The following AGO3 variants were observed in gnomAD, a reference collection of about 807,000 sequenced individuals.
AGO3 encodes the protein argonaute RISC catalytic component 3.
A neutral mutation model predicts 105.5 loss-of-function variants in AGO3; 16 were observed. The ratio of observed to expected loss-of-function variants is 0.15; its 90% CI spans 0.10 to 0.23. The LOEUF is 0.23. Among genes scored for constraint, AGO3 ranks in the 10% least tolerant of loss-of-function variants. The probability of loss-of-function intolerance (pLI) is 1.00; values close to 1 mark genes in which losing one functional copy is unlikely to be tolerated. For synonymous variants in AGO3, 340 were observed against 367.3 expected (o/e 0.93, Z 0.85); for missense variants, 534 against 1,088.0 (o/e 0.49, Z 7.16).
At chr1:36,052,737 A>AT (rs1204857537) in intron 17 of AGO3, among the ~76,000 whole-genome samples, 2 of 152,120 alleles carry the variant, frequency 1.3e-5, no homozygotes, top group African/African-American at 4.8e-5. Context: ...AAACCTATAT[A>AT]TATCAGGCTC....
chr1:36,004,460 A>G lies in AGO3; in HGVS notation c.778A>G (p.Thr260Ala). 1.2e-6 allele frequency: 2 copies of G among 1,600,128 alleles called. No homozygotes were observed. Among genetic ancestry groups the G allele is most frequent in the Non-Finnish European group, 1.7e-6 (2 of 1,171,562 alleles). ...PLTDSHRVKFTKEIKGLKVEV... is the reference protein window; with the variant it reads ...PLTDSHRVKFAKEIKGLKVEV... Reference sequence around the variant, plus strand: ...GACTGATTCTCATCGGGTAAAATTCACCAAAGAGATAAAAGGTGAATTAAT... The same window carrying G: ...GACTGATTCTCATCGGGTAAAATTCGCCAAAGAGATAAAAGGTGAATTAAT... Residue 260 changes from threonine (T) to alanine (A), a missense_variant, in exon 6 of 19, where the codon ACC (threonine) becomes GCC (alanine). Transcript: ENST00000373191.
chr1:36,011,433 T>C (rs995663792), intron 9 of AGO3, among the ~76,000 whole-genome samples: 13 of 152,018 alleles, frequency 8.6e-5, no homozygotes, highest in African/African-American at 3.1e-4. Context: ...AAATATATGC[T>C]GGTTTTCATC....
At chr1:35,972,847 T>TA (rs1302115738) in intron 4 of AGO3, among the ~76,000 whole-genome samples, 136 of 145,934 alleles carry the variant, frequency 9.3e-4, no homozygotes, top group Non-Finnish European at 1.5e-3. Flanking sequence ...CCTGACTAAT[T>TA]AAAAAAAAAT....
At chr1:35,995,902 T>C (rs1639773926) in intron 5 of AGO3, among the ~76,000 whole-genome samples, 1 of 151,994 alleles carries the variant, frequency 6.6e-6, no homozygotes, top group Non-Finnish European at 1.5e-5. Flanking sequence ...GGTCTCGAAC[T>C]CCCTGACCTC....
chr1:35,949,391 G>C (rs1646428438), intron 2 of AGO3, among the ~76,000 whole-genome samples: 1 of 152,178 alleles, frequency 6.6e-6, no homozygotes, highest in South Asian at 2.1e-4. Context: ...TTTGTCTTCA[G>C]TTTTTACAGT....
intron 9 of AGO3, among the ~76,000 whole-genome samples, chr1:36,009,972 T>C (rs1261574191): frequency 6.7e-6 from 1 of 149,536 alleles, no homozygotes; most frequent in Non-Finnish European, 1.5e-5. Flanking sequence ...GGAGTCTTGC[T>C]TTGTCACCCA....
chr1:35,954,377 A>G (rs1293632022), intron 2 of AGO3, among the ~76,000 whole-genome samples: 2 of 152,236 alleles, frequency 1.3e-5, no homozygotes, highest in Non-Finnish European at 2.9e-5. Flanking sequence ...GGACTAGTAC[A>G]TAAGGTATTA....
intron 2 of AGO3, 99 bp downstream of exon 2, chr1:35,945,962 A>G: frequency 8.1e-7 from 1 of 1,234,094 alleles, no homozygotes; most frequent in Non-Finnish European, 1.1e-6. Flanking sequence ...AATGTGTAAC[A>G]GTTTGACCAA....
intron 3 of AGO3, among the ~76,000 whole-genome samples, chr1:35,970,778 G>A (rs1179443146): frequency 1.3e-5 from 2 of 151,626 alleles, no homozygotes; most frequent in African/African-American, 4.8e-5. Flanking sequence ...AACCCAGGCT[G>A]GAGTTCATTG....
At chr1:36,017,639 A>G (rs1640973714) in intron 11 of AGO3, among the ~76,000 whole-genome samples, 1 of 152,082 alleles carries the variant, frequency 6.6e-6, no homozygotes, top group African/African-American at 2.4e-5. Context: ...AGTGGCTCAC[A>G]CCTGTAATCT....
chr1:35,985,388 TTA>T (rs1190774871), intron 5 of AGO3, among the ~76,000 whole-genome samples: 1 of 152,170 alleles, frequency 6.6e-6, no homozygotes, highest in Non-Finnish European at 1.5e-5. Context: ...CAATAGAATT[TTA>T]AAGAAAAATA....
At chr1:36,032,281 CT>C (rs1308640505) in intron 12 of AGO3, among the ~76,000 whole-genome samples, 1 of 152,022 alleles carries the variant, frequency 6.6e-6, no homozygotes, top group African/African-American at 2.4e-5. Context: ...CTCATAATGT[CT>C]TTGATTTTGC....
At chr1:36,022,232 C>A (rs1040181047) in intron 11 of AGO3, among the ~76,000 whole-genome samples, 1 of 151,834 alleles carries the variant, frequency 6.6e-6, no homozygotes, top group South Asian at 2.1e-4. Context: ...GCTCTGCTAA[C>A]TTTTTTTCTT....
chr1:35,976,869 T>C (rs919328939), intron 5 of AGO3, among the ~76,000 whole-genome samples: 5 of 152,182 alleles, frequency 3.3e-5, no homozygotes, highest in African/African-American at 1.2e-4. Context: ...TTGGTATTAT[T>C]TCCTAAAAAA....
At chr1:35,971,968 A>G in intron 3 of AGO3, 56 bp from the exon 4 acceptor site, 1 of 1,483,114 alleles carries the variant, frequency 6.7e-7, no homozygotes, top group Non-Finnish European at 9.3e-7. Flanking sequence ...TTAAATCTAA[A>G]ATAATTGTAT....
intron 9 of AGO3, among the ~76,000 whole-genome samples, chr1:36,012,265 A>G (rs1640652821): frequency 6.6e-6 from 1 of 151,198 alleles, no homozygotes; most frequent in Admixed American, 6.6e-5. Flanking sequence ...GCCCCAGGAG[A>G]TTGAAGTTGC....
At chr1:36,048,805 C>T (rs1425004119) in intron 17 of AGO3, among the ~76,000 whole-genome samples, 1 of 152,134 alleles carries the variant, frequency 6.6e-6, no homozygotes, top group Non-Finnish European at 1.5e-5. Context: ...TCCTCTTGCC[C>T]CAGCCTCCTG....
In AGO3 at chr1:36,062,736, A is replaced by G. The variant is rs1266911097; in HGVS notation, c.*6991A>G. On this transcript the variant is annotated 3_prime_UTR_variant, in exon 19 of 19. Coordinates refer to ENST00000373191, the MANE Select transcript of AGO3 (RefSeq NM_024852.4). ...GTGAATTTGGTGAGCATTCTTCCAGAAAAGAAGACTAAAAGCAAACAACAA... is the reference window on the plus strand; with the variant it reads ...GTGAATTTGGTGAGCATTCTTCCAGGAAAGAAGACTAAAAGCAAACAACAA... 3 of 152,176 alleles carry G rather than the reference A, an allele frequency of 2.0e-5. No individual in the cohort carries two copies. Among genetic ancestry groups the G allele is most frequent in the Non-Finnish European group, 4.4e-5 (3 of 68,012 alleles). 9.4% of individuals were successfully genotyped at this position (152,176 alleles called of 1,614,324 possible).
Position 36,066,764 on chromosome 1 carries a change from T to A in AGO3, c.*11019T>A, listed in dbSNP as rs1384520267. On this transcript the variant is annotated 3_prime_UTR_variant, in exon 19 of 19. Transcript: ENST00000373191. ...CTTTATTGTCAGAATCTGTAGAAAC[T>A]GGAGGTCTTTGTAAAGAAATAGACT... 3 of 152,162 alleles carry A rather than the reference T, an allele frequency of 2.0e-5. No individual in the cohort carries two copies. Among genetic ancestry groups the A allele is most frequent in the African/African-American group, 7.2e-5 (3 of 41,440 alleles). 9.4% of individuals were successfully genotyped at this position (152,162 alleles called of 1,614,324 possible). A position where few individuals can be genotyped will look rare whatever the true frequency, so the allele number is the denominator to read the frequency against.
Sources: allele counts gnomAD v4.1 joint callset (sites outside exome capture counted in the v4.1 genomes callset), GRCh38; gene constraint gnomAD v4.1.1; transcripts MANE v1.5; gene names NCBI Gene and HGNC (gene_info 2026-07-23, HGNC 2026-07-21).